The following NTNG2 variants were observed in gnomAD, a reference collection of about 807,000 sequenced individuals.
The protein encoded by NTNG2 is netrin-G2.
In NTNG2, 15 loss-of-function variants were observed where a neutral mutation model predicts 47.6. That is an observed-to-expected ratio of 0.32 (90% CI 0.21 to 0.49). The LOEUF (loss-of-function observed/expected upper bound fraction) is 0.49. Among genes scored for constraint, NTNG2 ranks in the 20% least tolerant of loss-of-function variants. NTNG2 has a pLI of 0.99. For missense variants in NTNG2, 578 were observed against 764.6 expected (o/e 0.76, Z 2.88); for synonymous variants, 307 against 324.6 (o/e 0.95, Z 0.58).
intron 4 of NTNG2, among the ~76,000 whole-genome samples, chr9:132,228,891 G>T (rs1028191291): frequency 2.6e-4 from 40 of 151,956 alleles, no homozygotes; most frequent in Admixed American, 6.5e-5. Flanking sequence ...TGCCCCCTGC[G>T]CCTGGAGGGT....
intron 3 of NTNG2, among the ~76,000 whole-genome samples, chr9:132,223,039 G>A (rs1023131886): frequency 4.6e-5 from 7 of 152,182 alleles, no homozygotes; most frequent in Non-Finnish European, 7.3e-5. Context: ...GCTTGAGCCC[G>A]AGAGGCAGAA....
rs527813003 is a variant in NTNG2, at chr9:132,221,860, G to A, written c.858-4989G>A. On this transcript the variant is annotated intron_variant, in intron 3 of 7. Coordinates refer to ENST00000393229, the MANE Select transcript of NTNG2 (RefSeq NM_032536.4). This position sits in a 1 kb window ranked among gnomAD's most constrained non-coding sequence, Gnocchi z 4.2. ...ACAATATGCTTCTTGGATTCGGCCGGTCTTCTATGCATCTTTACTAAGCCA... is the reference window on the plus strand; with the variant it reads ...ACAATATGCTTCTTGGATTCGGCCGATCTTCTATGCATCTTTACTAAGCCA... Among the ~76,000 whole-genome samples the A allele has an allele frequency of 6.6e-6, 1 of 152,328 alleles. No individual in the cohort carries two copies. Among genetic ancestry groups the A allele is most frequent in the African/African-American group, 2.4e-5 (1 of 41,576 alleles).
intron 2 of NTNG2, among the ~76,000 whole-genome samples, chr9:132,178,711 C>A (rs190506057): frequency 8.1e-5 from 12 of 148,456 alleles, no homozygotes; most frequent in Non-Finnish European, 1.3e-4. Context: ...GAGGCTGAGG[C>A]GGGCGGATTG....
chr9:132,167,075 C>T, intron 2 of NTNG2, 31 bp downstream of exon 2: 1 of 1,609,256 alleles, frequency 6.2e-7, no homozygotes, highest in Non-Finnish European at 8.5e-7. Flanking sequence ...TTTGTTTGCC[C>T]AGGCCAAGTG....
intron 5 of NTNG2, among the ~76,000 whole-genome samples, chr9:132,237,949 G>A (rs558489544): frequency 4.6e-5 from 7 of 152,282 alleles, no homozygotes; most frequent in Non-Finnish European, 7.4e-5. Flanking sequence ...TGGCCCACAG[G>A]TGGGAGTGCC....
Position 132,198,236 on chromosome 9 carries a change from C to A in NTNG2, c.484C>A (p.Gln162Lys). The part of the protein sequence containing the change: ...EKSLDNGRTW[Q>K]PYQFYAEDCM... ...GTCCCTGGACAACGGGCGCACCTGG[C>A]AGCCCTACCAGTTCTACGCCGAGGA... Residue 162 changes from glutamine (Q) to lysine (K), a missense_variant, in exon 3 of 8, where the codon CAG becomes AAG. Physicochemically the swap from Gln to Lys is moderately conservative, Grantham distance 53 (BLOSUM62 1). Transcript: ENST00000393229. 1.9e-6 allele frequency: 3 copies of A among 1,613,240 alleles called. No individual in the cohort carries two copies. Among genetic ancestry groups the A allele is most frequent in the African/African-American group, 1.3e-5 (1 of 75,068 alleles).
chr9:132,220,822 T>C (rs1032969492), intron 3 of NTNG2, among the ~76,000 whole-genome samples: 3 of 152,236 alleles, frequency 2.0e-5, no homozygotes, highest in Non-Finnish European at 4.4e-5. Flanking sequence ...ATATGTGATG[T>C]GAAGGGTCCA....
chr9:132,213,100 G>A (rs1379261775), intron 3 of NTNG2, among the ~76,000 whole-genome samples: 5 of 152,002 alleles, frequency 3.3e-5, no homozygotes, highest in African/African-American at 7.2e-5. Context: ...ACCTGAGGTC[G>A]GGAGCTCAAG....
In NTNG2 at chr9:132,226,898, C is replaced by T. The variant is rs1840801732; in HGVS notation, c.907C>T (p.Leu303=). 6.2e-7 allele frequency: 1 copy of T among 1,612,548 alleles called. No homozygotes were observed. Among genetic ancestry groups the T allele is most frequent in the South Asian group, 1.1e-5 (1 of 90,904 alleles). The change falls in exon 4 of 8, where the codon CTG becomes TTG. Residue 303 remains leucine (L), a synonymous_variant. Coordinates refer to ENST00000393229, the MANE Select transcript of NTNG2 (RefSeq NM_032536.4). The surrounding 1 kb of genome is among the most constrained non-coding windows in gnomAD (Gnocchi z 4.8). The stretch of plus-strand genomic sequence containing the variant: ...CCTGTGCTCCATGCGCGAGGGCAGC[C>T]TGCAGTGCGAGTGCGAGCACAACAC... ...ANLCSMREGS[L]QCECEHNTTG... is the part of the protein sequence containing the mutation.
chr9:132,214,931 C>T (rs867137764), intron 3 of NTNG2, among the ~76,000 whole-genome samples: 1 of 151,950 alleles, frequency 6.6e-6, no homozygotes, highest in Admixed American at 6.6e-5. Flanking sequence ...AAGGGCAGTG[C>T]AGTGGCACAA....
At position 132,243,974 on chromosome 9, in the gene NTNG2, C is replaced by T. The variant is rs1842127080; in HGVS notation, c.*1863C>T. 6.6e-6 allele frequency: 1 copy of T among 152,336 alleles called. No homozygotes were observed. Among genetic ancestry groups the T allele is most frequent in the Admixed American group, 6.5e-5 (1 of 15,280 alleles). The allele number at this position is 152,336 out of a possible 1,614,324, so 9.4% of individuals were successfully genotyped here. On this transcript the variant is annotated 3_prime_UTR_variant, in exon 8 of 8. Coordinates refer to ENST00000393229, the MANE Select transcript of NTNG2 (RefSeq NM_032536.4). ...TCACATTCTTCCTTACGCACAGAACCCCACTGCCTGGGACCCAAAGTGCCC... is the reference window on the plus strand; with the variant it reads ...TCACATTCTTCCTTACGCACAGAACTCCACTGCCTGGGACCCAAAGTGCCC...
At chr9:132,173,413 G>A (rs1477610475) in intron 2 of NTNG2, among the ~76,000 whole-genome samples, 2 of 152,194 alleles carry the variant, frequency 1.3e-5, no homozygotes, top group African/African-American at 2.4e-5. Flanking sequence ...CAGACACCCC[G>A]TGGAAGGCAG....
intron 4 of NTNG2, among the ~76,000 whole-genome samples, chr9:132,229,217 T>C (rs1469941052): frequency 6.6e-6 from 1 of 151,964 alleles, no homozygotes; most frequent in Admixed American, 6.6e-5. Flanking sequence ...TCTCCTGCCT[T>C]CTCTGGGGTG....
chr9:132,229,623 C>A (rs1229892576), intron 4 of NTNG2, among the ~76,000 whole-genome samples: 6 of 152,326 alleles, frequency 3.9e-5, no homozygotes, highest in African/African-American at 1.2e-4. Flanking sequence ...TGTGGCTGCA[C>A]CCCGAGGTGT....
intron 4 of NTNG2, among the ~76,000 whole-genome samples, chr9:132,227,258 C>G (rs1462588857): frequency 6.6e-6 from 1 of 152,232 alleles, no homozygotes; most frequent in African/African-American, 2.4e-5. Flanking sequence ...TGCACCCCCA[C>G]ACACACACCT....
At chr9:132,186,739 G>A (rs1001437309) in intron 2 of NTNG2, among the ~76,000 whole-genome samples, 2 of 152,252 alleles carry the variant, frequency 1.3e-5, no homozygotes, top group Admixed American at 6.5e-5. Context: ...TCCCCAAAGC[G>A]GAGCGAAGCC....
chr9:132,203,367 T>G (rs1192451000), intron 3 of NTNG2, among the ~76,000 whole-genome samples: 1 of 151,738 alleles, frequency 6.6e-6, no homozygotes, highest in Non-Finnish European at 1.5e-5. Context: ...TAAATTCAAA[T>G]GAATAATAAA....
rs752317576 is a variant in NTNG2 at position 132,240,993 on chromosome 9, C to G, written c.1306C>G (p.Pro436Ala). 2 of 1,610,512 alleles carry G rather than the reference C, an allele frequency of 1.2e-6. No individual in the cohort carries two copies. The highest frequency in any genetic ancestry group is 1.7e-5 in the Admixed American group (1 of 59,950). The change falls in exon 7 of 8, where the codon CCC becomes GCC. Residue 436 changes from proline to alanine, a missense_variant. Coordinates refer to ENST00000393229, the MANE Select transcript of NTNG2 (RefSeq NM_032536.4). ...CGAGTGCCGCGAGGGCGCGGCGGGC[C>G]CCAAGTGCGACGACTGCCTCCCCAC... is the stretch of plus-strand genomic sequence containing the variant. The part of the protein sequence containing the change: ...FCECREGAAG[P>A]KCDDCLPTHY...
rs1056763837 is a variant in NTNG2 at position 132,243,231 on chromosome 9, A to T, written c.*1120A>T. On this transcript the variant is annotated 3_prime_UTR_variant, in exon 8 of 8. Transcript: ENST00000393229. ...ACCTCCGATGGATGTGTCATCTCAG[A>T]CCTGTTGCAGCCGGAGCCTCAAGTC... 38 of 152,304 alleles carry T rather than the reference A, an allele frequency of 2.5e-4. 1 individual carries two copies. The highest frequency in any genetic ancestry group is 9.1e-4 in the African/African-American group (38 of 41,542). The allele number at this position is 152,304 out of a possible 1,614,324, so 9.4% of individuals were successfully genotyped here. A position where few individuals can be genotyped will look rare whatever the true frequency, so the allele number is the denominator to read the frequency against.
Sources: gnomAD v4.1 joint callset for allele counts (sites outside exome capture counted in the v4.1 genomes callset) on GRCh38, gnomAD v4.1.1 for gene constraint, Gnocchi (gnomAD v3.1) non-coding constraint, MANE v1.5 for transcripts, NCBI Gene and HGNC (gene_info 2026-07-23, HGNC 2026-07-21) for gene names.